Variants in GALNT13 observed in about 807,000 individuals in gnomAD.
GALNT13 encodes the protein UDP-GalNAc:polypeptide N-acetylgalactosaminyltransferase 13.
A neutral mutation model predicts 64.2 loss-of-function variants in GALNT13; 28 were observed. The ratio of observed to expected loss-of-function variants is 0.44; its 90% CI spans 0.32 to 0.60. The LOEUF (loss-of-function observed/expected upper bound fraction) is 0.60, where lower values mean the gene tolerates loss of function less well. Ranked by LOEUF, GALNT13 falls within the 20% of genes least tolerant of loss-of-function variation. The pLI is 0.05. For missense variants in GALNT13, 577 were observed against 669.8 expected, an observed-to-expected ratio of 0.86 and a Z score of 1.53; for synonymous variants, 214 against 224.6, an observed-to-expected ratio of 0.95 and a Z score of 0.42.
chr2:153,685,960 C>G, the GALNT13 span, among the ~76,000 whole-genome samples: 1 of 151,800 alleles, frequency 6.6e-6, no homozygotes, highest in Non-Finnish European at 1.5e-5. Flanking sequence ...TAGAAGTGTG[C>G]GGTCTTATTT....
chr2:153,464,913 GTAGA>G, the GALNT13 span, among the ~76,000 whole-genome samples: 1 of 152,106 alleles, frequency 6.6e-6, no homozygotes, highest in Non-Finnish European at 1.5e-5. Flanking sequence ...TATACAAGAA[GTAGA>G]TAGTTACATA....
chr2:153,486,781 A>C, the GALNT13 span, among the ~76,000 whole-genome samples: 2 of 152,210 alleles, frequency 1.3e-5, no homozygotes, highest in African/African-American at 4.8e-5. Flanking sequence ...TTGCCTCCAC[A>C]GAATTTTTGT....
chr2:153,814,224 A>G, the GALNT13 span, among the ~76,000 whole-genome samples: 1 of 152,050 alleles, frequency 6.6e-6, no homozygotes, highest in Admixed American at 6.6e-5. Context: ...GCGGATCACG[A>G]GGTCAGGAGA....
the GALNT13 span, among the ~76,000 whole-genome samples, chr2:153,193,859 T>TGTTGA: frequency 6.6e-6 from 1 of 152,186 alleles, no homozygotes; most frequent in African/African-American, 2.4e-5. Flanking sequence ...TGGAAGACAC[T>TGTTGA]GTTGAGTTAC....
intron 3 of GALNT13, among the ~76,000 whole-genome samples, chr2:153,960,000 G>C (rs753741401): frequency 6.6e-6 from 1 of 152,156 alleles, no homozygotes; most frequent in African/African-American, 2.4e-5. Flanking sequence ...TAACCCACTG[G>C]GCTGCTGGTC....
intron 1 of GALNT13, among the ~76,000 whole-genome samples, chr2:153,887,866 C>A (rs1687293693): frequency 6.6e-6 from 1 of 151,924 alleles, no homozygotes; most frequent in Admixed American, 6.6e-5. Context: ...AAAACATTGC[C>A]ATCCCACCCT....
At chr2:153,564,108 G>T in the GALNT13 span, among the ~76,000 whole-genome samples, 23 of 152,112 alleles carry the variant, frequency 1.5e-4, no homozygotes, top group African/African-American at 5.5e-4. Context: ...CCTGCTAGTG[G>T]TGGAATGACA....
At chr2:154,166,871 G>A (rs1294686962) in intron 4 of GALNT13, among the ~76,000 whole-genome samples, 2 of 151,940 alleles carry the variant, frequency 1.3e-5, no homozygotes, top group South Asian at 2.1e-4. Flanking sequence ...GCAAACTATC[G>A]CAAGGACAGA....
At chr2:153,495,468 G>A in the GALNT13 span, among the ~76,000 whole-genome samples, 1 of 152,056 alleles carries the variant, frequency 6.6e-6, no homozygotes, top group African/African-American at 2.4e-5. Context: ...TACATCACAG[G>A]AGCCCAGATC....
the GALNT13 span, among the ~76,000 whole-genome samples, chr2:153,495,775 T>C: frequency 6.6e-6 from 1 of 152,232 alleles, no homozygotes; most frequent in African/African-American, 2.4e-5. Context: ...GGAATGCAAA[T>C]GGGACCATGA....
intron 3 of GALNT13, among the ~76,000 whole-genome samples, chr2:154,062,145 A>G (rs2105369329): frequency 6.6e-6 from 1 of 152,298 alleles, no homozygotes; most frequent in African/African-American, 2.4e-5. Context: ...TGAGGATGGT[A>G]TCTTCAAACT....
At chr2:153,531,215 G>C in the GALNT13 span, among the ~76,000 whole-genome samples, 3 of 152,096 alleles carry the variant, frequency 2.0e-5, no homozygotes, top group Non-Finnish European at 4.4e-5. Context: ...AGATTTAATT[G>C]GCTCACAGTT....
intron 3 of GALNT13, among the ~76,000 whole-genome samples, chr2:154,083,063 T>TGA (rs1319618608): frequency 6.6e-6 from 1 of 152,132 alleles, no homozygotes; most frequent in Non-Finnish European, 1.5e-5. Flanking sequence ...TTTAGGCCTT[T>TGA]AATCCATCCT....
the GALNT13 span, among the ~76,000 whole-genome samples, chr2:153,418,537 T>C: frequency 6.6e-6 from 1 of 152,176 alleles, no homozygotes; most frequent in African/African-American, 2.4e-5. Context: ...AGTAGAATAA[T>C]GGTCATTTGA....
the GALNT13 span, among the ~76,000 whole-genome samples, chr2:153,361,329 C>G: frequency 6.6e-6 from 1 of 152,110 alleles, no homozygotes; most frequent in Admixed American, 6.5e-5. Context: ...GATCACAACA[C>G]CTCTCCAGCG....
At chr2:154,324,442 A>G (rs548802797) in intron 9 of GALNT13, among the ~76,000 whole-genome samples, 31 of 152,120 alleles carry the variant, frequency 2.0e-4, no homozygotes, top group African/African-American at 7.5e-4. Flanking sequence ...TCGTATATTT[A>G]TATTGTGATA....
intron 4 of GALNT13, among the ~76,000 whole-genome samples, chr2:154,162,036 C>T (rs1003428242): frequency 6.6e-6 from 1 of 152,184 alleles, no homozygotes; most frequent in Non-Finnish European, 1.5e-5. Flanking sequence ...CCGTCTCGGC[C>T]TCCCAAAGTG....
chr2:153,726,362 G>A, the GALNT13 span, among the ~76,000 whole-genome samples: 2 of 151,786 alleles, frequency 1.3e-5, no homozygotes, highest in Non-Finnish European at 2.9e-5. Flanking sequence ...TTTTTTTCAT[G>A]TGGAATCAGT....
chr2:153,367,266 A>G, the GALNT13 span, among the ~76,000 whole-genome samples: 4 of 152,158 alleles, frequency 2.6e-5, no homozygotes, highest in African/African-American at 7.2e-5. Context: ...TGATATCAGT[A>G]TCACAAAGAT....
Sources: gnomAD v4.1 joint callset for allele counts (sites outside exome capture counted in the v4.1 genomes callset) on GRCh38, gnomAD v4.1.1 for gene constraint, MANE v1.5 for transcripts, NCBI Gene and HGNC (gene_info 2026-07-23, HGNC 2026-07-21) for gene names.